The following PCDHGA2 variants were observed in gnomAD, a reference collection of about 807,000 sequenced individuals.
PCDHGA2 encodes the protein protocadherin gamma-A2.
In PCDHGA2, 40 loss-of-function variants were observed where a neutral mutation model predicts 59.2. The ratio of observed to expected loss-of-function variants is 0.68; its 90% confidence interval spans 0.52 to 0.88. PCDHGA2 has a LOEUF of 0.88. Among genes scored for constraint, PCDHGA2 ranks in the 40% least tolerant of loss-of-function variants. The pLI is 0.00. For missense variants in PCDHGA2, 1,226 were observed against 1,204.0 expected (o/e 1.02, Z -0.27); for synonymous variants, 560 against 526.0 (o/e 1.06, Z -0.89).
In PCDHGA2 at chr5:141,512,264, C is replaced by G. The variant is rs1453959730; in HGVS notation, c.*1091C>G. 6.5e-6 allele frequency: 1 copy of G among 152,684 alleles called. No homozygotes were observed. The highest frequency in any genetic ancestry group is 1.5e-5 in the Non-Finnish European group (1 of 68,096). 9.5% of individuals were successfully genotyped at this position (152,684 alleles called of 1,614,324 possible). ...GGGGCCTCTGTGGGTGCTGGGTACTCCAGAGGTGCCACTGGTGGAAGGGTC... is the reference window on the plus strand; with the variant it reads ...GGGGCCTCTGTGGGTGCTGGGTACTGCAGAGGTGCCACTGGTGGAAGGGTC... On this transcript the variant is annotated 3_prime_UTR_variant, in exon 4 of 4. Transcript: ENST00000394576.
chr5:141,356,629 C>A (rs539223559), intron 1 of PCDHGA2: 1 of 1,614,188 alleles, frequency 6.2e-7, no homozygotes, highest in African/African-American at 1.3e-5. Context: ...TATGACTGCT[C>A]AAGACCCTGA....
Position 141,476,845 on chromosome 5 carries a change from C to T in PCDHGA2, c.2425-17962C>T. On this transcript the variant is annotated intron_variant, in intron 1 of 3. Transcript: ENST00000394576. The surrounding 1 kb of genome is among the most constrained non-coding windows in gnomAD (Gnocchi z 7.6). ...TGGACGCGAATGACAATGCGCCTGT[C>T]TTCAACCAGTCCTTGTACCGGGCGC... 1 of 1,613,794 alleles carries T rather than the reference C, an allele frequency of 6.2e-7. No homozygotes were observed. Among genetic ancestry groups the T allele is most frequent in the Non-Finnish European group, 8.5e-7 (1 of 1,180,054 alleles).
In PCDHGA2 at chr5:141,485,441, A is replaced by G. The variant is rs1562105312; in HGVS notation, c.2425-9366A>G. ...CGGAGCCCTGCTCATCAAGAACCCA[A>G]TCGACCGAGAGGCACTGTGTGGGCT... On this transcript the variant is annotated intron_variant, in intron 1 of 3. Transcript: ENST00000394576. The surrounding 1 kb of genome is among the most constrained non-coding windows in gnomAD (Gnocchi z 5.7). 3 of 1,613,910 alleles carry G rather than the reference A, an allele frequency of 1.9e-6. No homozygotes were observed. Among genetic ancestry groups the G allele is most frequent in the South Asian group, 1.1e-5 (1 of 91,062 alleles).
At chr5:141,447,209 G>A (rs1004956165) in intron 1 of PCDHGA2, among the ~76,000 whole-genome samples, 3 of 151,850 alleles carry the variant, frequency 2.0e-5, no homozygotes, top group East Asian at 3.9e-4. Context: ...GCTTGATCTC[G>A]GCTCACTGCA....
rs147564249 is a variant in PCDHGA2, at chr5:141,432,378, C to T, written c.2425-62429C>T. 1 of 1,614,234 alleles carries T rather than the reference C, an allele frequency of 6.2e-7. No homozygotes were observed. Among genetic ancestry groups the T allele is most frequent in the Non-Finnish European group, 8.5e-7 (1 of 1,180,044 alleles). ...GTGATGGCGCGGGACAACGGGCACCCGCCCCTCAGCAGCAACGTGTCGTTG... is the reference window on the plus strand; with the variant it reads ...GTGATGGCGCGGGACAACGGGCACCTGCCCCTCAGCAGCAACGTGTCGTTG... On this transcript the variant is annotated intron_variant, in intron 1 of 3. Coordinates refer to ENST00000394576, the MANE Select transcript of PCDHGA2 (RefSeq NM_018915.4). This position sits in a 1 kb window ranked among gnomAD's most constrained non-coding sequence, Gnocchi z 6.0.
In PCDHGA2 at chr5:141,423,718, A is replaced by G. The variant is rs1450410707; in HGVS notation, c.2425-71089A>G. The G allele has an allele frequency of 4.8e-6, 5 of 1,049,028 alleles. No homozygotes were observed. In the East Asian group the frequency reaches 2.9e-4, roughly 60 times the overall value. 65.0% of individuals were successfully genotyped at this position (1,049,028 alleles called of 1,614,324 possible). On this transcript the variant is annotated intron_variant, in intron 1 of 3. Coordinates refer to ENST00000394576, the MANE Select transcript of PCDHGA2 (RefSeq NM_018915.4). The stretch of plus-strand genomic sequence containing the variant: ...GTGTCTTGGCACAAGTCTTTTAAGG[A>G]GATGTTTTTTGAGCCTGTTATGAAA...
chr5:141,362,035 G>A, intron 1 of PCDHGA2: 2 of 1,609,742 alleles, frequency 1.2e-6, no homozygotes, highest in South Asian at 1.1e-5. Flanking sequence ...TGCCTTGGGC[G>A]ACAGGGACGC....
intron 1 of PCDHGA2, among the ~76,000 whole-genome samples, chr5:141,438,039 C>T (rs1373700448): frequency 6.6e-6 from 1 of 152,024 alleles, no homozygotes; most frequent in Non-Finnish European, 1.5e-5. Flanking sequence ...CCATGCCCGA[C>T]CACTTTGAGT....
At chr5:141,366,709 G>C in intron 1 of PCDHGA2, 4 of 1,614,228 alleles carry the variant, frequency 2.5e-6, no homozygotes, top group Non-Finnish European at 2.5e-6. Flanking sequence ...CTCTTCTGAT[G>C]TCTGATAAGG....
intron 1 of PCDHGA2, chr5:141,433,252 G>T (rs1398141147): frequency 1.4e-6 from 2 of 1,425,340 alleles, no homozygotes; most frequent in Non-Finnish European, 1.9e-6. Flanking sequence ...GGAATGCAGC[G>T]GTACGATCAT....
intron 1 of PCDHGA2, among the ~76,000 whole-genome samples, chr5:141,492,808 A>C (rs1261752522): frequency 6.6e-6 from 1 of 152,252 alleles, no homozygotes; most frequent in African/African-American, 2.4e-5. Flanking sequence ...CTGGGACTCC[A>C]GTGGCACCAG....
At chr5:141,375,107 G>A in intron 1 of PCDHGA2, 1 of 1,613,962 alleles carries the variant, frequency 6.2e-7, no homozygotes, top group South Asian at 1.1e-5. Flanking sequence ...GGATGTCAAT[G>A]ATAATGTACC....
In PCDHGA2 at chr5:141,485,569, T is replaced by C; in HGVS notation, c.2425-9238T>C. The C allele has an allele frequency of 6.2e-7, 1 of 1,612,664 alleles. No individual in the cohort carries two copies. Among genetic ancestry groups the C allele is most frequent in the Non-Finnish European group, 8.5e-7 (1 of 1,178,890 alleles). ...TAGATGTGAATGATCACGCCCCCCG[T>C]TTTCCGCGGCAGCAGCTGGACTTGG... On this transcript the variant is annotated intron_variant, in intron 1 of 3. Coordinates refer to ENST00000394576, the MANE Select transcript of PCDHGA2 (RefSeq NM_018915.4). This position sits in a 1 kb window ranked among gnomAD's most constrained non-coding sequence, Gnocchi z 5.7.
At chr5:141,418,933 G>A in intron 1 of PCDHGA2, 2 of 1,614,010 alleles carry the variant, frequency 1.2e-6, no homozygotes, top group Non-Finnish European at 1.7e-6. Flanking sequence ...AGATTATGGA[G>A]GATTCCCCTC....
chr5:141,508,077 G>T (rs1166570509), intron 3 of PCDHGA2: 1 of 152,446 alleles, frequency 6.6e-6, no homozygotes, highest in Non-Finnish European at 1.5e-5. Context: ...GGCTACTCTG[G>T]AGTTGCTGCC....
At chr5:141,351,249 A>G (rs1484379458) in intron 1 of PCDHGA2, 1 of 1,614,034 alleles carries the variant, frequency 6.2e-7, no homozygotes, top group South Asian at 1.1e-5. Flanking sequence ...TGTAATGTTC[A>G]AATAGAAATT....
intron 1 of PCDHGA2, among the ~76,000 whole-genome samples, chr5:141,386,342 A>C (rs1000567568): frequency 2.0e-5 from 3 of 152,226 alleles, no homozygotes; most frequent in Non-Finnish European, 2.9e-5. Context: ...GGGGTGGATG[A>C]CAAGGTAATC....
chr5:141,494,950 A>T, intron 2 of PCDHGA2, 85 bp downstream of exon 2: 2 of 1,607,070 alleles, frequency 1.2e-6, no homozygotes, highest in African/African-American at 2.7e-5. Context: ...AGGGCCCAGC[A>T]TTTGCTACAG....
chr5:141,382,652 G>A, intron 1 of PCDHGA2: 1 of 410,070 alleles, frequency 2.4e-6, no homozygotes, highest in Non-Finnish European at 4.3e-6. Flanking sequence ...AACTTAGTAA[G>A]GACTCACAGC....
Sources: gnomAD v4.1 joint callset for allele counts (sites outside exome capture counted in the v4.1 genomes callset) on GRCh38, gnomAD v4.1.1 for gene constraint, Gnocchi (gnomAD v3.1) non-coding constraint, MANE v1.5 for transcripts, NCBI Gene and HGNC (gene_info 2026-07-23, HGNC 2026-07-21) for gene names.